Variants in NRIP3 observed in about 807,000 individuals in gnomAD.
The protein encoded by NRIP3 is nuclear receptor interacting protein 3.
Under a neutral mutation model 29.0 loss-of-function variants are expected in NRIP3, and 31 were observed. The ratio of observed to expected loss-of-function variants is 1.07; its 90% CI spans 0.80 to 1.44. The LOEUF (loss-of-function observed/expected upper bound fraction) is 1.44, where lower values mean the gene tolerates loss of function less well. Among genes scored for constraint, NRIP3 ranks in the 40% most tolerant of loss-of-function variants. The pLI is 0.00. For synonymous variants in NRIP3, 131 were observed against 118.3 expected (o/e 1.11, Z -0.70); for missense variants, 314 against 297.9 (o/e 1.05, Z -0.40).
intron 3 of NRIP3, 49 bp downstream of exon 3, chr11:8,987,499 G>A (rs375547504): frequency 1.6e-5 from 21 of 1,301,266 alleles, no homozygotes; most frequent in South Asian, 3.5e-5. Flanking sequence ...AGAGTCAAGC[G>A]AAGAGTACAG....
intron 1 of NRIP3, among the ~76,000 whole-genome samples, chr11:8,988,933 C>G (rs1392574757): frequency 2.0e-5 from 3 of 152,210 alleles, no homozygotes; most frequent in African/African-American, 7.2e-5. Context: ...TGAGCGAACA[C>G]ACAAGAATCA....
At chr11:9,002,118 C>T (rs1854812917) in intron 1 of NRIP3, among the ~76,000 whole-genome samples, 1 of 152,100 alleles carries the variant, frequency 6.6e-6, no homozygotes, top group African/African-American at 2.4e-5. Flanking sequence ...GTTCAGGTAG[C>T]TCTCAGGGCT....
At chr11:8,987,659 A>G (rs766778229) in intron 2 of NRIP3, 29 bp from the exon 3 acceptor site, 9 of 1,565,682 alleles carry the variant, frequency 5.7e-6, no homozygotes, top group Admixed American at 3.3e-5. Flanking sequence ...CTGTTCAATA[A>G]GAGCCAGAGA....
chr11:8,999,532 A>C (rs1307159317), intron 1 of NRIP3, among the ~76,000 whole-genome samples: 1 of 152,226 alleles, frequency 6.6e-6, no homozygotes, highest in Non-Finnish European at 1.5e-5. Flanking sequence ...GTTAAAACCC[A>C]AATGCATAGG....
intron 1 of NRIP3, among the ~76,000 whole-genome samples, chr11:8,995,174 G>T (rs1369812659): frequency 6.6e-6 from 1 of 151,864 alleles, no homozygotes; most frequent in African/African-American, 2.4e-5. Context: ...CTTGCTAGTT[G>T]TAACAAAGAA....
Position 8,984,110 on chromosome 11 carries a change from T to C in NRIP3, c.577A>G (p.Asn193Asp), listed in dbSNP as rs750173289. 20 of 1,612,650 alleles carry C rather than the reference T, an allele frequency of 1.2e-5. No homozygotes were observed. Among genetic ancestry groups the C allele is most frequent in the Non-Finnish European group, 1.7e-5 (20 of 1,178,718 alleles). Residue 193 changes from asparagine (N) to aspartate (D), a missense_variant, in exon 5 of 7, where the codon AAC becomes GAC. Asn to Asp is a conservative substitution (Grantham distance 23). Transcript: ENST00000309166. ...AGAGTCTGTAGACCAAGGGACAAGT[T>C]TTTCTCATTGTCATCTAATAAAAAC... ...PAAVVDDNEK[N>D]LSLGLQTLRS... is the part of the protein sequence containing the mutation.
At chr11:8,987,468 C>A in intron 3 of NRIP3, 80 bp downstream of exon 3, 2 of 1,023,860 alleles carry the variant, frequency 2.0e-6, no homozygotes, top group Non-Finnish European at 3.1e-6. Flanking sequence ...TAGAGACCCT[C>A]ACCATCTCTA....
upstream of NRIP3, chr11:9,004,474 C>A (rs75096320): frequency 0.082 from 12,557 of 152,520 alleles, 677 homozygotes; most frequent in South Asian, 0.24. Context: ...CTCCAGGGTC[C>A]ACCGCCCGGG....
At chr11:8,996,933 G>C (rs1566139961) in intron 1 of NRIP3, among the ~76,000 whole-genome samples, 1 of 152,094 alleles carries the variant, frequency 6.6e-6, no homozygotes, top group Non-Finnish European at 1.5e-5. Context: ...TTAAAAATTA[G>C]CTGGGCATGA....
chr11:8,995,960 A>T (rs1443711345), intron 1 of NRIP3, among the ~76,000 whole-genome samples: 2 of 152,208 alleles, frequency 1.3e-5, no homozygotes, highest in Non-Finnish European at 2.9e-5. Flanking sequence ...AACATTTCTA[A>T]TAGTTAGGTC....
intron 2 of NRIP3, 43 bp from the exon 3 acceptor site, chr11:8,987,673 G>A (rs753514521): frequency 1.8e-5 from 26 of 1,447,730 alleles, no homozygotes; most frequent in Admixed American, 3.3e-5. Context: ...CCAGAGAAGC[G>A]AAAGGGAAAG....
chr11:9,003,045 CTG>C (rs1854835952), intron 1 of NRIP3, among the ~76,000 whole-genome samples: 1 of 152,166 alleles, frequency 6.6e-6, no homozygotes, highest in African/African-American at 2.4e-5. Flanking sequence ...CCAGGAACAA[CTG>C]TGCTAGAAAA....
intron 1 of NRIP3, among the ~76,000 whole-genome samples, chr11:9,002,596 T>TAAA (rs10701323): frequency 3.8e-4 from 38 of 101,228 alleles, no homozygotes; most frequent in African/African-American, 7.9e-4. Context: ...GCTGTTAAAT[T>TAAA]AAAAAAAAAA....
chr11:8,987,311 C>T (rs1322307829), intron 3 of NRIP3, among the ~76,000 whole-genome samples: 1 of 152,128 alleles, frequency 6.6e-6, no homozygotes, highest in Non-Finnish European at 1.5e-5. Flanking sequence ...TTGCTCAAAA[C>T]TTAATAGGGG....
chr11:8,997,916 G>T (rs1017608509), intron 1 of NRIP3, among the ~76,000 whole-genome samples: 6 of 152,204 alleles, frequency 3.9e-5, no homozygotes, highest in Admixed American at 1.3e-4. Context: ...AATGGTAGGG[G>T]TCTGCTTTCT....
In NRIP3 at chr11:8,985,780, C is replaced by T. The variant is rs200136214; in HGVS notation, c.493G>A (p.Val165Met). ...KLSLPRHLKV[V>M]GQIEHLVITL... ...ATCACTAGGTGCTCAATCTGGCCCACTACTTTGAGATGCCGGGGTAGAGAA... is the reference window on the plus strand; with the variant it reads ...ATCACTAGGTGCTCAATCTGGCCCATTACTTTGAGATGCCGGGGTAGAGAA... The change falls in exon 4 of 7, where the codon GTG becomes ATG. Residue 165 changes from valine to methionine, a missense_variant. By Grantham distance (21) the Val-to-Met change is conservative. Transcript: ENST00000309166. 155 of 1,614,154 alleles carry T rather than the reference C, an allele frequency of 9.6e-5. 1 individual carries two copies. The South Asian group carries it at 1.5e-3, about 16-fold the overall frequency.
At chr11:8,983,850 T>C (rs762679504) in intron 6 of NRIP3, 25 bp downstream of exon 6, 6 of 1,582,004 alleles carry the variant, frequency 3.8e-6, no homozygotes, top group Non-Finnish European at 5.2e-6. Flanking sequence ...GGATGTGACT[T>C]GATCTGACCC....
chr11:8,998,501 GCA>G (rs1339443241), intron 1 of NRIP3, among the ~76,000 whole-genome samples: 1 of 152,150 alleles, frequency 6.6e-6, no homozygotes, highest in African/African-American at 2.4e-5. Context: ...GTTCTACAAA[GCA>G]CACTCTAGAG....
At chr11:8,997,462 C>T (rs1459970224) in intron 1 of NRIP3, among the ~76,000 whole-genome samples, 2 of 151,594 alleles carry the variant, frequency 1.3e-5, no homozygotes, top group East Asian at 1.9e-4. Context: ...ATTTTTAAGT[C>T]GTCTTTCTGA....
Sources: allele counts gnomAD v4.1 joint callset (sites outside exome capture counted in the v4.1 genomes callset), GRCh38; gene constraint gnomAD v4.1.1; transcripts MANE v1.5; gene names NCBI Gene and HGNC (gene_info 2026-07-23, HGNC 2026-07-21).